Variants in METTL2B observed in about 807,000 individuals in gnomAD.
METTL2B encodes methyltransferase 2B, tRNA N3-cytidine.
Under a neutral mutation model 51.0 loss-of-function variants are expected in METTL2B, and 28 were observed. That is an observed-to-expected ratio of 0.55 (90% CI 0.41 to 0.75). The LOEUF is 0.75. METTL2B is among the 30% of genes least tolerant of loss of function. METTL2B has a pLI of 0.00. For synonymous variants in METTL2B, 128 were observed against 166.3 expected, an observed-to-expected ratio of 0.77 and a Z score of 1.77; for missense variants, 313 against 460.7, an observed-to-expected ratio of 0.68 and a Z score of 2.93.
At chr7:128,485,382 C>A (rs556725626) in intron 4 of METTL2B, among the ~76,000 whole-genome samples, 1 of 151,974 alleles carries the variant, frequency 6.6e-6, no homozygotes, top group East Asian at 1.9e-4. Context: ...AAAAATTAGC[C>A]GCCTGGTGCT....
chr7:128,493,988 T>C (rs1229769680), intron 6 of METTL2B, 45 bp downstream of exon 6: 3 of 1,590,804 alleles, frequency 1.9e-6, no homozygotes, highest in African/African-American at 2.7e-5. Flanking sequence ...AAAGAAAGCT[T>C]TGGTGAGGGA....
chr7:128,479,072 C>T (rs2116840043), intron 2 of METTL2B, 86 bp from the exon 3 acceptor site: 1 of 1,354,084 alleles, frequency 7.4e-7, no homozygotes, highest in South Asian at 1.5e-5. Flanking sequence ...ATTAAAGTGA[C>T]ATTTGGTAAA....
At chr7:128,480,907 T>C (rs1584789148) in intron 4 of METTL2B, among the ~76,000 whole-genome samples, 1 of 152,256 alleles carries the variant, frequency 6.6e-6, no homozygotes, top group African/African-American at 2.4e-5. Context: ...ATAATGGTTA[T>C]TGGAAAATAT....
intron 4 of METTL2B, among the ~76,000 whole-genome samples, chr7:128,485,943 G>A (rs1201910263): frequency 1.3e-5 from 2 of 152,202 alleles, no homozygotes; most frequent in Non-Finnish European, 2.9e-5. Flanking sequence ...CGACACCATT[G>A]TGTAAGAGAC....
intron 2 of METTL2B, 61 bp downstream of exon 2, chr7:128,477,234 C>G (rs1311226011): frequency 5.0e-6 from 8 of 1,605,200 alleles, no homozygotes; most frequent in African/African-American, 4.0e-5. Flanking sequence ...CGCGCCCTCC[C>G]GGAGAGGCCA....
At chr7:128,480,612 A>G (rs1799861483) in intron 3 of METTL2B, 35 bp from the exon 4 acceptor site, 2 of 1,605,146 alleles carry the variant, frequency 1.2e-6, no homozygotes, top group South Asian at 1.1e-5. Flanking sequence ...TAACTCTGGA[A>G]AGTTCTGTGA....
At chr7:128,493,308 G>A (rs1055774492) in intron 5 of METTL2B, among the ~76,000 whole-genome samples, 6 of 151,908 alleles carry the variant, frequency 3.9e-5, no homozygotes, top group African/African-American at 1.2e-4. Context: ...TGCCTCCTGG[G>A]TTCAAGCGAT....
At position 128,502,266 on chromosome 7, in the gene METTL2B, C is replaced by T. The variant is rs917240750; in HGVS notation, c.*350C>T. ...AAAACATAATTTTCTCAAGTTCTTT[C>T]TTTGAGACCTCAATCTGTCTTAGCA... On this transcript the variant is annotated 3_prime_UTR_variant, in exon 9 of 9. Transcript: ENST00000262432. 3 of 259,398 alleles carry T rather than the reference C, an allele frequency of 1.2e-5. No individual in the cohort carries two copies. Among genetic ancestry groups the T allele is most frequent in the African/African-American group, 6.9e-5 (3 of 43,642 alleles). 16.1% of individuals were successfully genotyped at this position (259,398 alleles called of 1,614,324 possible).
intron 8 of METTL2B, chr7:128,501,484 T>G: frequency 1.0e-6 from 1 of 985,410 alleles, no homozygotes; most frequent in Non-Finnish European, 1.2e-6. Context: ...TTGACATACG[T>G]AGATAGTTTT....
intron 5 of METTL2B, among the ~76,000 whole-genome samples, chr7:128,490,061 A>G (rs936218621): frequency 2.0e-5 from 3 of 152,178 alleles, no homozygotes; most frequent in African/African-American, 7.2e-5. Flanking sequence ...ATTGAAGTCC[A>G]TTCTCTCAAA....
chr7:128,491,294 T>A (rs1204260824), intron 5 of METTL2B, among the ~76,000 whole-genome samples: 1 of 151,344 alleles, frequency 6.6e-6, no homozygotes, highest in Non-Finnish European at 1.5e-5. Context: ...CTGTCTCTAC[T>A]TTAAAAAACA....
intron 4 of METTL2B, among the ~76,000 whole-genome samples, chr7:128,486,387 G>A (rs918922873): frequency 1.3e-5 from 2 of 152,044 alleles, no homozygotes; most frequent in Non-Finnish European, 2.9e-5. Context: ...ATTACTTAAG[G>A]TCAGGAGTTC....
chr7:128,494,345 G>A (rs1584795722), intron 6 of METTL2B, among the ~76,000 whole-genome samples: 1 of 152,154 alleles, frequency 6.6e-6, no homozygotes, highest in South Asian at 2.1e-4. Context: ...AGTTGTTTAT[G>A]TTCTGATAGA....
rs1458861080 is a variant in METTL2B at position 128,506,264 on chromosome 7, C to T, written c.*4348C>T. The T allele has an allele frequency of 6.6e-6, 1 of 152,196 alleles. No individual in the cohort carries two copies. The highest frequency in any genetic ancestry group is 2.4e-5 in the African/African-American group (1 of 41,456). 9.4% of individuals were successfully genotyped at this position (152,196 alleles called of 1,614,324 possible). A position where few individuals can be genotyped will look rare whatever the true frequency, so the allele number is the denominator to read the frequency against. ...TATCTTTTGAAATGAAGAATAGATA[C>T]ATTAATTTAAATGATTCTCTAAAGA... On this transcript the variant is annotated 3_prime_UTR_variant, in exon 9 of 9. Transcript: ENST00000262432.
intron 2 of METTL2B, among the ~76,000 whole-genome samples, chr7:128,478,576 G>A (rs1799833108): frequency 6.9e-6 from 1 of 145,020 alleles, no homozygotes; most frequent in Non-Finnish European, 1.5e-5. Flanking sequence ...ATAGTTAAAA[G>A]TCATCTGGCT....
chr7:128,502,937 T>G lies in METTL2B; in HGVS notation c.*1021T>G. Reference sequence around the variant, plus strand: ...AAAAAAAATCTTAGTTCCATGGAATTTTAAGCACTGTTCCCCCTCTAACCT... The same window carrying G: ...AAAAAAAATCTTAGTTCCATGGAATGTTAAGCACTGTTCCCCCTCTAACCT... On this transcript the variant is annotated 3_prime_UTR_variant, in exon 9 of 9. Transcript: ENST00000262432. The G allele has an allele frequency of 5.0e-6, 1 of 199,660 alleles. No homozygotes were observed. The highest frequency in any genetic ancestry group is 6.8e-5 in the South Asian group (1 of 14,664). The allele number at this position is 199,660 out of a possible 1,614,324, so 12.4% of individuals were successfully genotyped here.
intron 2 of METTL2B, among the ~76,000 whole-genome samples, chr7:128,477,600 G>A (rs1313155533): frequency 6.6e-6 from 1 of 151,986 alleles, no homozygotes; most frequent in African/African-American, 2.4e-5. Context: ...AATGACTGGT[G>A]ACTGTGTGTC....
intron 7 of METTL2B, among the ~76,000 whole-genome samples, chr7:128,500,008 T>C (rs1202738146): frequency 6.6e-6 from 1 of 152,174 alleles, no homozygotes; most frequent in Non-Finnish European, 1.5e-5. Context: ...ATTTCTGTTG[T>C]GTATTCAGTG....
chr7:128,503,616 T>G lies in METTL2B; in HGVS notation c.*1700T>G, dbSNP rs1341440738. On this transcript the variant is annotated 3_prime_UTR_variant, in exon 9 of 9. Transcript: ENST00000262432. ...TGCCTAGCTAATTGTTAGATCCTTT[T>G]TTTTTATGTTCTGCATTTTTTCAAT... The G allele has an allele frequency of 6.6e-6, 1 of 152,202 alleles. No individual in the cohort carries two copies. The highest frequency in any genetic ancestry group is 1.5e-5 in the Non-Finnish European group (1 of 68,028). The allele number at this position is 152,202 out of a possible 1,614,324, so 9.4% of individuals were successfully genotyped here. A position where few individuals can be genotyped will look rare whatever the true frequency, so the allele number is the denominator to read the frequency against.
Sources: gnomAD v4.1 joint callset for allele counts (sites outside exome capture counted in the v4.1 genomes callset) on GRCh38, gnomAD v4.1.1 for gene constraint, MANE v1.5 for transcripts, NCBI Gene and HGNC (gene_info 2026-07-23, HGNC 2026-07-21) for gene names.